CNOT6: variants seen among roughly 807,000 people sequenced by gnomAD.
CNOT6 encodes the protein CCR4-NOT transcription complex subunit 6.
CNOT6 carries 12 observed loss-of-function variants against 61.2 expected under a neutral mutation model. The observed-to-expected ratio is 0.20, with a 90% CI of 0.13 to 0.32. CNOT6 has a LOEUF of 0.32. CNOT6 is among the 10% of genes least tolerant of loss of function. The pLI, the probability that CNOT6 is intolerant of heterozygous loss-of-function variation, is 1.00. For missense variants in CNOT6, 405 were observed against 663.9 expected (o/e 0.61, Z 4.28); for synonymous variants, 225 against 240.6 (o/e 0.94, Z 0.60).
At chr5:180,535,829 T>A (rs1156619721) in intron 2 of CNOT6, among the ~76,000 whole-genome samples, 1 of 152,190 alleles carries the variant, frequency 6.6e-6, no homozygotes, top group African/African-American at 2.4e-5. Context: ...TGTTTTTGAC[T>A]TTTTAATAGT....
chr5:180,551,771 C>G (rs1177462772), intron 3 of CNOT6, among the ~76,000 whole-genome samples: 2 of 152,128 alleles, frequency 1.3e-5, no homozygotes, highest in Non-Finnish European at 2.9e-5. Context: ...ATTGCTCCTA[C>G]TCCAGCCTTT....
chr5:180,502,385 CATT>C (rs770631154), intron 1 of CNOT6, among the ~76,000 whole-genome samples: 6 of 152,188 alleles, frequency 3.9e-5, no homozygotes, highest in African/African-American at 9.6e-5. Context: ...GATTTGTCCT[CATT>C]AGCGGTAGAG....
intron 1 of CNOT6, among the ~76,000 whole-genome samples, chr5:180,503,125 T>C (rs1756955281): frequency 6.6e-6 from 1 of 152,184 alleles, no homozygotes; most frequent in African/African-American, 2.4e-5. Context: ...TACATGTGTC[T>C]CATTTAATCC....
intron 2 of CNOT6, among the ~76,000 whole-genome samples, chr5:180,530,829 A>G (rs529668951): frequency 2.3e-3 from 353 of 152,174 alleles, no homozygotes; most frequent in African/African-American, 8.2e-3. Context: ...ACCGCCCTTA[A>G]TCCATTTAAC....
rs1196749238 is a variant in CNOT6, at chr5:180,575,734, A to G, written c.*1534A>G. The G allele has an allele frequency of 2.6e-5, 4 of 152,592 alleles. No homozygotes were observed. The highest frequency in any genetic ancestry group is 9.7e-5 in the African/African-American group (4 of 41,428). 9.5% of individuals were successfully genotyped at this position (152,592 alleles called of 1,614,324 possible). A position where few individuals can be genotyped will look rare whatever the true frequency, so the allele number is the denominator to read the frequency against. On this transcript the variant is annotated 3_prime_UTR_variant, in exon 12 of 12. Transcript: ENST00000261951. The stretch of plus-strand genomic sequence containing the variant: ...CTCTCATTTATTCATTCTTCTCTCA[A>G]AAGTCAAATGAATGCAGAGGGAGCT...
chr5:180,574,280 T>G lies in CNOT6; in HGVS notation c.*80T>G. 8.7e-7 allele frequency: 1 copy of G among 1,150,638 alleles called. No homozygotes were observed. Among genetic ancestry groups the G allele is most frequent in the Non-Finnish European group, 1.3e-6 (1 of 768,222 alleles). 71.3% of individuals were successfully genotyped at this position (1,150,638 alleles called of 1,614,324 possible). A position where few individuals can be genotyped will look rare whatever the true frequency, so the allele number is the denominator to read the frequency against. ...ACATAGGGGAGTGAGGTATGGCCAC[T>G]GAGGATTTTTGCTTGCTTAAGAATG... is the stretch of plus-strand genomic sequence containing the variant. On this transcript the variant is annotated 3_prime_UTR_variant, in exon 12 of 12. Transcript: ENST00000261951.
chr5:180,500,612 C>T (rs140750155), intron 1 of CNOT6, among the ~76,000 whole-genome samples: 263 of 152,102 alleles, frequency 1.7e-3, no homozygotes, highest in African/African-American at 5.6e-3. Context: ...TTCAAATGCA[C>T]GTTTTCAAAA....
At chr5:180,501,677 A>G (rs1190670728) in intron 1 of CNOT6, among the ~76,000 whole-genome samples, 1 of 152,250 alleles carries the variant, frequency 6.6e-6, no homozygotes, top group Admixed American at 6.5e-5. Flanking sequence ...CATATATGCA[A>G]GTGTGAAACT....
At chr5:180,527,539 TA>T (rs1425096119) in intron 1 of CNOT6, among the ~76,000 whole-genome samples, 4 of 152,238 alleles carry the variant, frequency 2.6e-5, no homozygotes, top group Admixed American at 6.5e-5. Context: ...GGTGTTATTT[TA>T]AACACGTTCC....
In CNOT6 at chr5:180,567,963, A is replaced by G. The variant is rs747356094; in HGVS notation, c.987A>G (p.Ala329=). 1 of 1,613,102 alleles carries G rather than the reference A, an allele frequency of 6.2e-7. No homozygotes were observed. Among genetic ancestry groups the G allele is most frequent in the South Asian group, 1.1e-5 (1 of 91,014 alleles). The change falls in exon 9 of 12, where the codon GCA becomes GCG. Residue 329 remains alanine, a synonymous_variant. Transcript: ENST00000261951. The part of the protein sequence containing the change: ...RVMTKDNIGV[A]VLLELRKESI... Reference sequence around the variant, plus strand: ...TGACAAAAGATAACATTGGGGTTGCAGTACTGCTAGAACTTCGGAAGGAAT... The same window carrying G: ...TGACAAAAGATAACATTGGGGTTGCGGTACTGCTAGAACTTCGGAAGGAAT...
intron 1 of CNOT6, among the ~76,000 whole-genome samples, chr5:180,522,908 C>T (rs1027391064): frequency 1.5e-4 from 23 of 152,218 alleles, no homozygotes; most frequent in African/African-American, 2.2e-4. Context: ...TGTGTTTGCC[C>T]GCATTCTGTG....
chr5:180,499,884 C>T (rs529332176), intron 1 of CNOT6, among the ~76,000 whole-genome samples: 1 of 152,236 alleles, frequency 6.6e-6, no homozygotes, highest in East Asian at 1.9e-4. Flanking sequence ...AGGTGTGGCT[C>T]TTAACCCATA....
chr5:180,528,528 G>A (rs1758203583), intron 1 of CNOT6, among the ~76,000 whole-genome samples: 1 of 152,044 alleles, frequency 6.6e-6, no homozygotes. Flanking sequence ...CATTAGCCAG[G>A]ATGGTCTCAA....
rs70973925 is a variant in CNOT6 at position 180,530,561 on chromosome 5, C to CTTT, written c.112+1189_112+1191dup. Among the ~76,000 whole-genome samples, 12 of 119,444 alleles carry CTTT rather than the reference C, an allele frequency of 1.0e-4. No homozygotes were observed. The South Asian group carries it at 1.2e-3, about 12-fold the overall frequency. 78.4% of individuals were successfully genotyped at this position (119,444 alleles called of 152,430 possible). A position where few individuals can be genotyped will look rare whatever the true frequency, so the allele number is the denominator to read the frequency against. On this transcript the variant is annotated intron_variant, in intron 2 of 11. Transcript: ENST00000261951. Reference sequence around the variant, plus strand: ...TCTCCTGTTTTCCCTCTTCTGATTTCTTTTTTTTTTTTTTTTTTAGTTTTT... The same window carrying CTTT: ...TCTCCTGTTTTCCCTCTTCTGATTTCTTTTTTTTTTTTTTTTTTTTTAGTTTTT...
At position 180,494,464 on chromosome 5, in the gene CNOT6, C is replaced by T. The variant is rs548970359; in HGVS notation, c.-302C>T. 3.9e-4 allele frequency: 60 copies of T among 154,646 alleles called. No individual in the cohort carries two copies. Among genetic ancestry groups the T allele is most frequent in the African/African-American group, 1.4e-3 (58 of 40,896 alleles). The allele number at this position is 154,646 out of a possible 1,614,324, so 9.6% of individuals were successfully genotyped here. A position where few individuals can be genotyped will look rare whatever the true frequency, so the allele number is the denominator to read the frequency against. ...GAGGAGGAGGCGGCGGCGTCGGTGGCGGCGGCGACGGCGGCGCGGAGGCGA... is the reference window on the plus strand; with the variant it reads ...GAGGAGGAGGCGGCGGCGTCGGTGGTGGCGGCGACGGCGGCGCGGAGGCGA... On this transcript the variant is annotated 5_prime_UTR_variant, in exon 1 of 12. Coordinates refer to ENST00000261951, the MANE Select transcript of CNOT6 (RefSeq NM_001370472.1).
At chr5:180,530,648 G>GCC (rs1217891854) in intron 2 of CNOT6, among the ~76,000 whole-genome samples, 4 of 152,038 alleles carry the variant, frequency 2.6e-5, no homozygotes, top group African/African-American at 9.7e-5. Flanking sequence ...GACAATAGTG[G>GCC]AGGGAAGGTC....
At chr5:180,507,632 C>G (rs1757186444) in intron 1 of CNOT6, among the ~76,000 whole-genome samples, 1 of 152,106 alleles carries the variant, frequency 6.6e-6, no homozygotes, top group South Asian at 2.1e-4. Flanking sequence ...GTTTTAGGAA[C>G]ATGATGTACT....
chr5:180,566,044 C>T, intron 7 of CNOT6, 67 bp downstream of exon 7: 1 of 1,413,990 alleles, frequency 7.1e-7, no homozygotes, highest in Non-Finnish European at 9.6e-7. Flanking sequence ...ATACATTACG[C>T]TGACACATTT....
At chr5:180,533,311 CCTATATATATAT>C (rs1258790237) in intron 2 of CNOT6, among the ~76,000 whole-genome samples, 4 of 65,224 alleles carry the variant, frequency 6.1e-5, no homozygotes, top group East Asian at 4.0e-4. Flanking sequence ...TGGATGAAAA[CCTATATATATAT>C]ATATATATAT....
Sources: allele counts gnomAD v4.1 joint callset (sites outside exome capture counted in the v4.1 genomes callset), GRCh38; gene constraint gnomAD v4.1.1; transcripts MANE v1.5; gene names NCBI Gene and HGNC (gene_info 2026-07-23, HGNC 2026-07-21).